The following IGFBP3 variants were observed in gnomAD, a reference collection of about 807,000 sequenced individuals.
IGFBP3 encodes insulin-like growth factor-binding protein 3.
Under a neutral mutation model 28.6 loss-of-function variants are expected in IGFBP3, and 9 were observed. The observed-to-expected ratio is 0.31, with a 90% CI of 0.19 to 0.55. The LOEUF is 0.55. Ranked by LOEUF, IGFBP3 falls within the 20% of genes least tolerant of loss-of-function variation. The probability of loss-of-function intolerance (pLI) is 0.93; values close to 1 mark genes in which losing one functional copy is unlikely to be tolerated. For synonymous variants in IGFBP3, 185 were observed against 188.2 expected (o/e 0.98, Z 0.14); for missense variants, 382 against 428.9 (o/e 0.89, Z 0.97).
At chr7:45,915,036 ACT>A in intron 3 of IGFBP3, 91 bp from the exon 4 acceptor site, 1 of 1,455,544 alleles carries the variant, frequency 6.9e-7, no homozygotes, top group Admixed American at 1.8e-5. Context: ...TGCCAGCGTG[ACT>A]CTGCTATGCT....
chr7:45,920,843 C>A lies in IGFBP3; in HGVS notation c.298G>T (p.Glu100Ter). ...SGLRCQPSPD[E>*]ARPLQALLDG... ...AGCAGCGCCTGCAGCGGTCGCGCCT[C>A]GTCGGGCGACGGCTGGCAGCGAAGG... Residue 100 changes from glutamate (E) to a stop codon, truncating the protein, a stop_gained, in exon 1 of 5, where the codon GAG becomes TAG. Transcript: ENST00000613132. LOFTEE classifies it high-confidence loss of function. The A allele has an allele frequency of 7.1e-7, 1 of 1,411,026 alleles. No individual in the cohort carries two copies. Among genetic ancestry groups the A allele is most frequent in the Non-Finnish European group, 9.2e-7 (1 of 1,090,574 alleles). 87.4% of individuals were successfully genotyped at this position (1,411,026 alleles called of 1,614,324 possible).
Position 45,917,309 on chromosome 7 carries a change from C to G in IGFBP3, c.534G>C (p.Gly178=). The G allele has an allele frequency of 6.2e-7, 1 of 1,614,040 alleles. No individual in the cohort carries two copies. Among genetic ancestry groups the G allele is most frequent in the East Asian group, 2.2e-5 (1 of 44,844 alleles). ...TGTAGCGCTGGCTGTCTTTAGCATG[C>G]CCTTTCTTGATGATGATTATCTTTG... ...LHSKIIIIKK[G]HAKDSQRYKV... Residue 178 remains glycine (G), a synonymous_variant, in exon 2 of 5, where the codon GGG becomes GGC. Coordinates refer to ENST00000613132, the MANE Select transcript of IGFBP3 (RefSeq NM_000598.5).
At position 45,912,744 on chromosome 7, in the gene IGFBP3, A is replaced by G. The variant is rs73324927; in HGVS notation, c.*1106T>C. 73 of 152,784 alleles carry G rather than the reference A, an allele frequency of 4.8e-4. No individual in the cohort carries two copies. Among genetic ancestry groups the G allele is most frequent in the African/African-American group, 1.6e-3 (65 of 41,576 alleles). 9.5% of individuals were successfully genotyped at this position (152,784 alleles called of 1,614,324 possible). On this transcript the variant is annotated 3_prime_UTR_variant, in exon 5 of 5. Coordinates refer to ENST00000613132, the MANE Select transcript of IGFBP3 (RefSeq NM_000598.5). ...TTGTATACAATGTTAACAAGAACAT[A>G]TCTTCTCTGCATATATGTGTGAATT... is the stretch of plus-strand genomic sequence containing the variant.
In IGFBP3 at chr7:45,912,271, TAATAAAATAATTATTATATAATAA is replaced by T. The variant is rs1784554183; in HGVS notation, c.*1555_*1578del. Reference sequence around the variant, plus strand: ...ATTTTCCCCTTTCAGGATTTTATTATAATAAAATAATTATTATATAATAAAATAAAATAATTAGTGATACAAAGC... The same window carrying T: ...ATTTTCCCCTTTCAGGATTTTATTATAATAAAATAATTAGTGATACAAAGC... On this transcript the variant is annotated 3_prime_UTR_variant, in exon 5 of 5. Transcript: ENST00000613132. 1 of 147,632 alleles carries T rather than the reference TAATAAAATAATTATTATATAATAA, an allele frequency of 6.8e-6. No homozygotes were observed. Among genetic ancestry groups the T allele is most frequent in the African/African-American group, 2.6e-5 (1 of 37,856 alleles). 9.1% of individuals were successfully genotyped at this position (147,632 alleles called of 1,614,324 possible).
chr7:45,914,478 C>T lies in IGFBP3; in HGVS notation c.*15+327G>A, dbSNP rs34735308. 246 of 182,350 alleles carry T rather than the reference C, an allele frequency of 1.3e-3. 1 individual carries two copies. The highest frequency in any genetic ancestry group is 4.6e-3 in the Middle Eastern group (2 of 438). The allele number at this position is 182,350 out of a possible 1,614,324, so 11.3% of individuals were successfully genotyped here. A position where few individuals can be genotyped will look rare whatever the true frequency, so the allele number is the denominator to read the frequency against. On this transcript the variant is annotated intron_variant, in intron 4 of 4. Transcript: ENST00000613132. ...AAGATAAATGGACCTCCAGACCTCA[C>T]GGGTAAAGCCTAACTTTGAAAATCT...
chr7:45,921,054 C>T lies in IGFBP3; in HGVS notation c.87G>A (p.Ala29=), dbSNP rs984689611. ...LRGPPVARAG[A]SSAGLGPVVR... ...CCACGGGACCCAAGCCCGCCGAGCT[C>T]GCGCCAGCCCGCGCCACCGGCGGCC... Residue 29 remains alanine (A), a synonymous_variant, in exon 1 of 5, where the codon GCG becomes GCA. Coordinates refer to ENST00000613132, the MANE Select transcript of IGFBP3 (RefSeq NM_000598.5). The T allele has an allele frequency of 7.6e-6, 11 of 1,445,284 alleles. No individual in the cohort carries two copies. In the African/African-American group the frequency reaches 1.2e-4, roughly 16 times the overall value. 89.5% of individuals were successfully genotyped at this position (1,445,284 alleles called of 1,614,324 possible).
chr7:45,920,795 T>C lies in IGFBP3; in HGVS notation c.346A>G (p.Asn116Asp). ...CGCAGGCGGCTGACGGCACTAGCGTTGACGCAGAGCCCGCGGCCGTCCAGC... is the reference window on the plus strand; with the variant it reads ...CGCAGGCGGCTGACGGCACTAGCGTCGACGCAGAGCCCGCGGCCGTCCAGC... ...ALLDGRGLCV[N>D]ASAVSRLRAY... Residue 116 changes from asparagine to aspartate, a missense_variant, in exon 1 of 5, where the codon AAC (asparagine) becomes GAC (aspartate). Asn to Asp is a conservative substitution (Grantham distance 23). Coordinates refer to ENST00000613132, the MANE Select transcript of IGFBP3 (RefSeq NM_000598.5). 1 of 1,416,680 alleles carries C rather than the reference T, an allele frequency of 7.1e-7. No homozygotes were observed. The highest frequency in any genetic ancestry group is 9.1e-7 in the Non-Finnish European group (1 of 1,094,102). 87.8% of individuals were successfully genotyped at this position (1,416,680 alleles called of 1,614,324 possible).
intron 3 of IGFBP3, among the ~76,000 whole-genome samples, chr7:45,916,200 C>T (rs899510844): frequency 3.3e-5 from 5 of 152,228 alleles, no homozygotes; most frequent in Admixed American, 6.5e-5. Context: ...ATGTCACTCC[C>T]TGACGCAGCA....
At chr7:45,919,006 T>C (rs1433342454) in intron 1 of IGFBP3, among the ~76,000 whole-genome samples, 3 of 152,238 alleles carry the variant, frequency 2.0e-5, no homozygotes, top group Non-Finnish European at 2.9e-5. Context: ...ATACTAAGAA[T>C]GTAAATACTC....
rs750023058 is a variant in IGFBP3, at chr7:45,914,959, A to G, written c.751-14T>C. 6.2e-7 allele frequency: 1 copy of G among 1,613,402 alleles called. No homozygotes were observed. Among genetic ancestry groups the G allele is most frequent in the Non-Finnish European group, 8.5e-7 (1 of 1,179,744 alleles). ...GGAAGGGCGACACTGTGGGAGAGAA[A>G]CAGAAGACAGAGAAGTGAATGCTCC... is the stretch of plus-strand genomic sequence containing the variant. On this transcript the variant is annotated splice_polypyrimidine_tract_variant and intron_variant, in intron 3 of 4. Coordinates refer to ENST00000613132, the MANE Select transcript of IGFBP3 (RefSeq NM_000598.5).
intron 1 of IGFBP3, among the ~76,000 whole-genome samples, chr7:45,917,843 C>T (rs1784634930): frequency 6.6e-6 from 1 of 152,220 alleles, no homozygotes; most frequent in African/African-American, 2.4e-5. Flanking sequence ...GGTCCTCCCA[C>T]CCGCGGGAGC....
chr7:45,918,014 T>A (rs867380053), intron 1 of IGFBP3, among the ~76,000 whole-genome samples: 3 of 152,230 alleles, frequency 2.0e-5, no homozygotes, highest in South Asian at 2.1e-4. Flanking sequence ...GAGCTTGGTG[T>A]CCAGCTCAGA....
intron 3 of IGFBP3, chr7:45,915,240 G>A (rs1317038633): frequency 3.0e-6 from 1 of 333,622 alleles, no homozygotes; most frequent in Non-Finnish European, 5.6e-6. Context: ...TGACTTCTCT[G>A]CCAAATGTGG....
Position 45,916,624 on chromosome 7 carries a change from T to C in IGFBP3, c.674A>G (p.Lys225Arg), listed in dbSNP as rs746297053. The C allele has an allele frequency of 6.2e-7, 1 of 1,613,308 alleles. No homozygotes were observed. Among genetic ancestry groups the C allele is most frequent in the African/African-American group, 1.3e-5 (1 of 74,906 alleles). Residue 225 changes from lysine (K) to arginine (R), a missense_variant, in exon 3 of 5, where the codon AAG becomes AGG. Transcript: ENST00000613132. ...REMEDTLNHLKFLNVLSPRGV... is the reference protein window; with the variant it reads ...REMEDTLNHLRFLNVLSPRGV... The stretch of plus-strand genomic sequence containing the variant: ...CCTGGGACTCAGCACATTGAGGAAC[T>C]TCAGGTGATTCAGTGTGTCTTCCAT...
chr7:45,914,911 C>T lies in IGFBP3; in HGVS notation c.785G>A (p.Cys262Tyr). Residue 262 changes from cysteine to tyrosine, a missense_variant, in exon 4 of 5, where the codon TGC (cysteine) becomes TAC (tyrosine). By Grantham distance (194) the Cys-to-Tyr change is radical. Transcript: ENST00000613132. ...CTGCCCATACTTATCCACACACCAG[C>T]AGAAGCCCCGCTTCCTGCCTTTGGA... ...RPSKGRKRGFCWCVDKYGQPL... is the reference protein window; with the variant it reads ...RPSKGRKRGFYWCVDKYGQPL... 6.2e-7 allele frequency: 1 copy of T among 1,614,170 alleles called. No individual in the cohort carries two copies. Among genetic ancestry groups the T allele is most frequent in the Non-Finnish European group, 8.5e-7 (1 of 1,180,026 alleles).
chr7:45,918,962 CT>C lies in IGFBP3; in HGVS notation c.404-1524del, dbSNP rs5883949. Among the ~76,000 whole-genome samples, 400 of 152,234 alleles carry C rather than the reference CT, an allele frequency of 2.6e-3. 2 individuals carry two copies. Among genetic ancestry groups the C allele is most frequent in the African/African-American group, 9.3e-3 (385 of 41,546 alleles). On this transcript the variant is annotated intron_variant, in intron 1 of 4. Coordinates refer to ENST00000613132, the MANE Select transcript of IGFBP3 (RefSeq NM_000598.5). ...TTCAATTTCTTTTAATCTTAGCTTGCTTTCTTTTTCAAGGAAATACTGAGAT... is the reference window on the plus strand; with the variant it reads ...TTCAATTTCTTTTAATCTTAGCTTGCTTCTTTTTCAAGGAAATACTGAGAT...
chr7:45,915,555 C>A (rs1016700263), intron 3 of IGFBP3, among the ~76,000 whole-genome samples: 2 of 152,162 alleles, frequency 1.3e-5, no homozygotes, highest in Non-Finnish European at 2.9e-5. Flanking sequence ...AGTGCCATCA[C>A]ATAACACAAA....
Position 45,914,773 on chromosome 7 carries a change from G to A in IGFBP3, c.*15+32C>T, listed in dbSNP as rs777623195. On this transcript the variant is annotated intron_variant, in intron 4 of 4. Coordinates refer to ENST00000613132, the MANE Select transcript of IGFBP3 (RefSeq NM_000598.5). The stretch of plus-strand genomic sequence containing the variant: ...GCTGGTCCAAGGACAGTGAGGCCCT[G>A]GAGCCCCAGGCTGCCCCTCCTGAGT... The A allele has an allele frequency of 3.1e-6, 5 of 1,606,678 alleles. No homozygotes were observed. The African/African-American group carries it at 5.3e-5, about 17-fold the overall frequency.
At chr7:45,918,090 T>C (rs745994701) in intron 1 of IGFBP3, among the ~76,000 whole-genome samples, 34 of 152,316 alleles carry the variant, frequency 2.2e-4, no homozygotes, top group Non-Finnish European at 4.4e-4. Flanking sequence ...GCAAGCATGT[T>C]GGTGGCTTGT....
Sources: allele counts gnomAD v4.1 joint callset (sites outside exome capture counted in the v4.1 genomes callset), GRCh38; gene constraint gnomAD v4.1.1; transcripts MANE v1.5; gene names NCBI Gene and HGNC (gene_info 2026-07-23, HGNC 2026-07-21).